The following CMKLR2 variants were observed in gnomAD, a reference collection of about 807,000 sequenced individuals.
The protein encoded by CMKLR2 is chemerin-like receptor 2.
In CMKLR2, 18 loss-of-function variants were observed where a neutral mutation model predicts 23.0. The observed-to-expected ratio is 0.78, with a 90% confidence interval of 0.54 to 1.16. The LOEUF (loss-of-function observed/expected upper bound fraction) is 1.16, where lower values mean the gene tolerates loss of function less well. Ranked by LOEUF, CMKLR2 falls within the 50% of genes most tolerant of loss-of-function variation. The pLI, the probability that CMKLR2 is intolerant of heterozygous loss-of-function variation, is 0.00. For missense variants in CMKLR2, 401 were observed against 412.7 expected, an observed-to-expected ratio of 0.97 and a Z score of 0.25; for synonymous variants, 158 against 158.9, an observed-to-expected ratio of 0.99 and a Z score of 0.05.
chr2:206,179,620 C>T (rs551352336), intron 1 of CMKLR2, among the ~76,000 whole-genome samples: 8 of 152,198 alleles, frequency 5.3e-5, no homozygotes, highest in Non-Finnish European at 8.8e-5. Context: ...TAAGCCACCG[C>T]GCCCTGCCCC....
rs1050284673 is a variant in CMKLR2, at chr2:206,175,358, A to G, written c.*822T>C. Reference sequence around the variant, plus strand: ...ATTACTTTAATTCATAAATGTATATACATAGATTACATAAAGAAATTAAGT... The same window carrying G: ...ATTACTTTAATTCATAAATGTATATGCATAGATTACATAAAGAAATTAAGT... On this transcript the variant is annotated 3_prime_UTR_variant, in exon 2 of 2. Coordinates refer to ENST00000621141, the MANE Select transcript of CMKLR2 (RefSeq NM_001389445.1). The G allele has an allele frequency of 1.3e-5, 2 of 152,262 alleles. No homozygotes were observed. Among genetic ancestry groups the G allele is most frequent in the African/African-American group, 4.8e-5 (2 of 41,480 alleles). The allele number at this position is 152,262 out of a possible 1,614,324, so 9.4% of individuals were successfully genotyped here. A position where few individuals can be genotyped will look rare whatever the true frequency, so the allele number is the denominator to read the frequency against.
At chr2:206,197,045 G>T (rs1417439478) in intron 1 of CMKLR2, among the ~76,000 whole-genome samples, 2 of 152,152 alleles carry the variant, frequency 1.3e-5, no homozygotes, top group Admixed American at 6.6e-5. Flanking sequence ...GAGTAGCTGG[G>T]ACTACAGGTG....
chr2:206,188,595 T>G (rs908989123), intron 1 of CMKLR2, among the ~76,000 whole-genome samples: 3 of 152,204 alleles, frequency 2.0e-5, no homozygotes, highest in Non-Finnish European at 4.4e-5. Context: ...TGAAAAATGC[T>G]TGGTGTGAAG....
intron 1 of CMKLR2, among the ~76,000 whole-genome samples, chr2:206,184,920 G>A (rs1688533683): frequency 6.6e-6 from 1 of 152,140 alleles, no homozygotes; most frequent in South Asian, 2.1e-4. Context: ...ATTAAAAGAT[G>A]GTAAGTACTA....
At chr2:206,205,705 A>ATTC in intron 1 of CMKLR2, among the ~76,000 whole-genome samples, 1 of 151,232 alleles carries the variant, frequency 6.6e-6, no homozygotes, top group East Asian at 1.9e-4. Flanking sequence ...TATTATTATT[A>ATTC]TTATTATTTT....
Position 206,176,276 on chromosome 2 carries a change from C to T in CMKLR2, c.972G>A (p.Lys324=). The T allele has an allele frequency of 1.9e-6, 3 of 1,614,150 alleles. No individual in the cohort carries two copies. The highest frequency in any genetic ancestry group is 2.5e-6 in the Non-Finnish European group (3 of 1,180,032). ...RFRSSVAEIL[K]YTLWEVSCSG... ...AACAGCTGACTTCCCACAGTGTGTA[C>T]TTGAGTATCTCAGCAACTGAGGACC... The change falls in exon 2 of 2, where the codon AAG becomes AAA. Residue 324 remains lysine (K), a synonymous_variant. Transcript: ENST00000621141.
chr2:206,200,900 G>C (rs935083365), intron 1 of CMKLR2, among the ~76,000 whole-genome samples: 3 of 152,078 alleles, frequency 2.0e-5, no homozygotes, highest in African/African-American at 7.2e-5. Context: ...CTCTAACAAG[G>C]CAAAATCAGA....
chr2:206,198,501 T>C (rs1485110829), intron 1 of CMKLR2, among the ~76,000 whole-genome samples: 1 of 152,192 alleles, frequency 6.6e-6, no homozygotes, highest in Non-Finnish European at 1.5e-5. Flanking sequence ...ATTCTAGCTC[T>C]TTTATTACTC....
intron 1 of CMKLR2, among the ~76,000 whole-genome samples, chr2:206,178,770 T>C (rs139684785): frequency 1.3e-5 from 2 of 152,174 alleles, no homozygotes; most frequent in African/African-American, 4.8e-5. Flanking sequence ...TGTTTGAGCC[T>C]CCTGAGTAGT....
At chr2:206,214,165 A>ATTTTTTTTTTTTTTT (rs34307347), upstream of CMKLR2, among the ~76,000 whole-genome samples, 40 of 64,932 alleles carry the variant, frequency 6.2e-4, no homozygotes, top group Admixed American at 1.2e-3. Flanking sequence ...TAAAGACTTG[A>ATTTTTTTTTTTTTTT]TTTTTTTTTT....
chr2:206,196,391 A>ATAATAAAT (rs1688922000), intron 1 of CMKLR2, among the ~76,000 whole-genome samples: 1 of 151,176 alleles, frequency 6.6e-6, no homozygotes, highest in East Asian at 1.9e-4. Flanking sequence ...AATAAAAATA[A>ATAATAAAT]AAATAAATAA....
intron 1 of CMKLR2, among the ~76,000 whole-genome samples, chr2:206,182,865 G>A (rs1337089309): frequency 1.3e-5 from 2 of 151,866 alleles, no homozygotes; most frequent in Non-Finnish European, 1.5e-5. Flanking sequence ...TGATCCACCC[G>A]TCTCAGCCTC....
At chr2:206,203,722 C>A (rs1352312561) in intron 1 of CMKLR2, 1 of 152,222 alleles carries the variant, frequency 6.6e-6, no homozygotes, top group African/African-American at 2.4e-5. Context: ...ATCTAGCGAA[C>A]TAATGAATGT....
intron 1 of CMKLR2, among the ~76,000 whole-genome samples, chr2:206,210,173 A>G (rs1252368704): frequency 2.0e-5 from 3 of 150,212 alleles, no homozygotes; most frequent in Non-Finnish European, 4.4e-5. Context: ...CATGTCGGCC[A>G]GGCTCAGGTG....
chr2:206,202,030 A>G (rs1321236929), intron 1 of CMKLR2, among the ~76,000 whole-genome samples: 1 of 152,242 alleles, frequency 6.6e-6, no homozygotes. Flanking sequence ...TAAAGATTAT[A>G]GTTGTTAAAC....
intron 1 of CMKLR2, among the ~76,000 whole-genome samples, chr2:206,195,666 C>G (rs1688897078): frequency 6.6e-6 from 1 of 152,080 alleles, no homozygotes; most frequent in African/African-American, 2.4e-5. Context: ...TATAAAAACT[C>G]TTCAGAGGCC....
chr2:206,179,422 G>T (rs1688340385), intron 1 of CMKLR2, among the ~76,000 whole-genome samples: 1 of 131,456 alleles, frequency 7.6e-6, no homozygotes. Flanking sequence ...TTGTTACCAG[G>T]CTGGAGTGCA....
At chr2:206,214,389 G>C (rs2105849283), upstream of CMKLR2, among the ~76,000 whole-genome samples, 1 of 152,018 alleles carries the variant, frequency 6.6e-6, no homozygotes, top group African/African-American at 2.4e-5. Flanking sequence ...GGCCAGGCTG[G>C]TCTCGAATTT....
At chr2:206,207,363 C>T (rs577208767) in intron 1 of CMKLR2, among the ~76,000 whole-genome samples, 2 of 152,186 alleles carry the variant, frequency 1.3e-5, no homozygotes, top group South Asian at 4.2e-4. Flanking sequence ...TGGTCTCGAA[C>T]TCCTGACCTT....
Sources: allele counts gnomAD v4.1 joint callset (sites outside exome capture counted in the v4.1 genomes callset), GRCh38; gene constraint gnomAD v4.1.1; transcripts MANE v1.5; gene names NCBI Gene and HGNC (gene_info 2026-07-23, HGNC 2026-07-21).